The following TTLL5 variants were observed in gnomAD, a reference collection of about 807,000 sequenced individuals.
TTLL5 encodes the protein tubulin polyglutamylase TTLL5.
A neutral mutation model predicts 168.4 loss-of-function variants in TTLL5; 132 were observed. The ratio of observed to expected loss-of-function variants is 0.78; its 90% CI spans 0.68 to 0.91. The LOEUF (loss-of-function observed/expected upper bound fraction) is 0.91. Ranked by LOEUF, TTLL5 falls within the 40% of genes least tolerant of loss-of-function variation. The pLI, the probability that TTLL5 is intolerant of heterozygous loss-of-function variation, is 0.00. For missense variants in TTLL5, 1,545 were observed against 1,581.5 expected (o/e 0.98, Z 0.39); for synonymous variants, 546 against 558.6 (o/e 0.98, Z 0.32).
chr14:75,664,959 G>A (rs746180077), intron 2 of TTLL5, among the ~76,000 whole-genome samples: 1 of 152,156 alleles, frequency 6.6e-6, no homozygotes. Context: ...AAATACTGAC[G>A]ATTGCAGATA....
intron 15 of TTLL5, among the ~76,000 whole-genome samples, chr14:75,740,010 C>T (rs942200441): frequency 6.6e-6 from 1 of 152,136 alleles, no homozygotes; most frequent in East Asian, 1.9e-4. Flanking sequence ...TTAGTTAATA[C>T]CCATTCCAGA....
intron 27 of TTLL5, among the ~76,000 whole-genome samples, chr14:75,796,964 A>G (rs1175442774): frequency 6.6e-6 from 1 of 152,076 alleles, no homozygotes; most frequent in East Asian, 1.9e-4. Context: ...TCTGTGAAGA[A>G]TGATGATGGT....
At chr14:75,832,775 A>C (rs1279560467) in intron 28 of TTLL5, among the ~76,000 whole-genome samples, 1 of 152,176 alleles carries the variant, frequency 6.6e-6, no homozygotes, top group East Asian at 1.9e-4. Context: ...CACGTTACTC[A>C]GTTAGTTTGG....
chr14:75,781,065 A>G (rs1464235194), intron 24 of TTLL5, among the ~76,000 whole-genome samples: 2 of 152,172 alleles, frequency 1.3e-5, no homozygotes, highest in Admixed American at 6.5e-5. Context: ...AGACAAAGGA[A>G]TTCTTGTAAT....
chr14:75,854,626 G>C (rs900883284), intron 28 of TTLL5, among the ~76,000 whole-genome samples: 1 of 152,126 alleles, frequency 6.6e-6, no homozygotes, highest in African/African-American at 2.4e-5. Flanking sequence ...TTACACCCCC[G>C]TCAGCAATGT....
intron 12 of TTLL5, among the ~76,000 whole-genome samples, chr14:75,725,860 A>G (rs576454035): frequency 6.6e-6 from 1 of 152,310 alleles, no homozygotes; most frequent in African/African-American, 2.4e-5. Flanking sequence ...GATTTCTTGG[A>G]CTAGTTAACC....
chr14:75,702,544 A>G (rs1488958740), intron 7 of TTLL5, among the ~76,000 whole-genome samples: 1 of 152,012 alleles, frequency 6.6e-6, no homozygotes, highest in Non-Finnish European at 1.5e-5. Context: ...TTTTTGCCCT[A>G]GTGATTTGTT....
chr14:75,716,271 G>A (rs1031383115), intron 9 of TTLL5, among the ~76,000 whole-genome samples: 3 of 152,184 alleles, frequency 2.0e-5, no homozygotes, highest in African/African-American at 7.2e-5. Flanking sequence ...TCCTTCTCAA[G>A]CACAGACATA....
intron 28 of TTLL5, among the ~76,000 whole-genome samples, chr14:75,860,976 TC>T (rs758350599): frequency 4.3e-4 from 66 of 152,342 alleles, no homozygotes; most frequent in Non-Finnish European, 7.6e-4. Flanking sequence ...TTATATTTGA[TC>T]AGTGCTCACC....
At chr14:75,737,705 G>A in intron 15 of TTLL5, 11 of 1,289,440 alleles carry the variant, frequency 8.5e-6, no homozygotes, top group Non-Finnish European at 1.2e-5. Context: ...ATATTTTTAT[G>A]TACCTATTTT....
rs528021722 is a variant in TTLL5, at chr14:75,843,653, G to A, written c.3327-20014G>A. ...CAGATTCTGCAGTTAGCTATGCCTC[G>A]GTTGCCTCATCTGTAACATGAGGCA... On this transcript the variant is annotated intron_variant, in intron 28 of 31. Coordinates refer to ENST00000298832, the MANE Select transcript of TTLL5 (RefSeq NM_015072.5). Among the ~76,000 whole-genome samples the A allele has an allele frequency of 5.3e-5, 8 of 152,244 alleles. No homozygotes were observed. In the South Asian group the frequency reaches 8.3e-4, roughly 16 times the overall value.
chr14:75,770,227 A>G (rs1477122358), intron 20 of TTLL5, among the ~76,000 whole-genome samples: 7 of 151,178 alleles, frequency 4.6e-5, no homozygotes, highest in Admixed American at 4.6e-4. Context: ...TTTCAAAACC[A>G]TATTATGCTC....
chr14:75,840,469 G>A (rs1896162787), intron 28 of TTLL5, among the ~76,000 whole-genome samples: 1 of 151,222 alleles, frequency 6.6e-6, no homozygotes, highest in Admixed American at 6.6e-5. Context: ...CTCCCACTTA[G>A]GAGTGAGAAC....
intron 17 of TTLL5, among the ~76,000 whole-genome samples, chr14:75,749,383 G>A (rs921563109): frequency 6.6e-6 from 1 of 152,088 alleles, no homozygotes; most frequent in Admixed American, 6.5e-5. Flanking sequence ...ATAAAACAAG[G>A]ACTAAAATAG....
intron 28 of TTLL5, among the ~76,000 whole-genome samples, chr14:75,831,453 T>C (rs1453189620): frequency 6.6e-6 from 1 of 152,198 alleles, no homozygotes; most frequent in Non-Finnish European, 1.5e-5. Flanking sequence ...TTTTCTGAGA[T>C]GTGTCCATGG....
At chr14:75,948,123 C>T (rs1318934535) in intron 31 of TTLL5, among the ~76,000 whole-genome samples, 2 of 151,672 alleles carry the variant, frequency 1.3e-5, no homozygotes, top group African/African-American at 2.4e-5. Flanking sequence ...TTGACCATAA[C>T]GCAATAACAA....
intron 18 of TTLL5, among the ~76,000 whole-genome samples, chr14:75,764,230 A>G (rs532834658): frequency 7.2e-4 from 109 of 152,356 alleles, no homozygotes; most frequent in African/African-American, 2.4e-3. Context: ...TAATGGGTAG[A>G]AATGAAACAA....
intron 30 of TTLL5, among the ~76,000 whole-genome samples, chr14:75,899,749 G>A (rs2032836424): frequency 6.6e-6 from 1 of 152,110 alleles, no homozygotes; most frequent in Admixed American, 6.6e-5. Context: ...AGTAAAGAAC[G>A]GGATAAAGCC....
intron 17 of TTLL5, among the ~76,000 whole-genome samples, chr14:75,750,452 G>A (rs1019852983): frequency 1.3e-5 from 2 of 149,398 alleles, no homozygotes; most frequent in Non-Finnish European, 3.0e-5. Context: ...TTCTACCTCT[G>A]CCACCCCGAG....
Sources: allele counts gnomAD v4.1 joint callset (sites outside exome capture counted in the v4.1 genomes callset), GRCh38; gene constraint gnomAD v4.1.1; transcripts MANE v1.5; gene names NCBI Gene and HGNC (gene_info 2026-07-23, HGNC 2026-07-21).